The following RBPJ variants were observed in gnomAD, a reference collection of about 807,000 sequenced individuals.
RBPJ encodes the protein recombining binding protein suppressor of hairless.
Under a neutral mutation model 67.8 loss-of-function variants are expected in RBPJ, and 9 were observed. That is an observed-to-expected ratio of 0.13 (90% CI 0.08 to 0.23). The LOEUF is 0.23. RBPJ is among the 10% of genes least tolerant of loss of function. RBPJ has a pLI of 1.00. For missense variants in RBPJ, 305 were observed against 595.6 expected, an observed-to-expected ratio of 0.51 and a Z score of 5.08; for synonymous variants, 198 against 203.3, an observed-to-expected ratio of 0.97 and a Z score of 0.22.
intron 1 of RBPJ, among the ~76,000 whole-genome samples, chr4:26,203,375 A>G (rs1184882213): frequency 6.6e-6 from 1 of 152,044 alleles, no homozygotes; most frequent in African/African-American, 2.4e-5. Flanking sequence ...TTCAAATGCA[A>G]CCTTCTCCCC....
intron 1 of RBPJ, among the ~76,000 whole-genome samples, chr4:26,364,246 TTAAAG>T (rs1728371311): frequency 6.6e-6 from 1 of 152,218 alleles, no homozygotes; most frequent in Non-Finnish European, 1.5e-5. Flanking sequence ...AATTTAGTTG[TTAAAG>T]TAAGATGAAA....
chr4:26,220,151 T>C (rs1010844364), intron 1 of RBPJ, among the ~76,000 whole-genome samples: 1 of 152,192 alleles, frequency 6.6e-6, no homozygotes, highest in African/African-American at 2.4e-5. Context: ...TTACACTATG[T>C]ACATGCTCAG....
intron 1 of RBPJ, among the ~76,000 whole-genome samples, chr4:26,176,050 G>C (rs1716784893): frequency 6.6e-6 from 1 of 152,156 alleles, no homozygotes; most frequent in Non-Finnish European, 1.5e-5. Context: ...ATAAAATGCA[G>C]GACACCCAGT....
At chr4:26,395,810 G>A (rs769714419) in intron 2 of RBPJ, among the ~76,000 whole-genome samples, 14 of 152,206 alleles carry the variant, frequency 9.2e-5, no homozygotes, top group Non-Finnish European at 1.9e-4. Flanking sequence ...TACTAATTTA[G>A]GGATTGCATT....
At chr4:26,316,454 T>TATACATTCATAC (rs1722624464), upstream of RBPJ, among the ~76,000 whole-genome samples, 2 of 145,462 alleles carry the variant, frequency 1.4e-5, no homozygotes, top group Non-Finnish European at 3.0e-5. Context: ...TACATTCATA[T>TATACATTCATAC]ATACATTCAT....
chr4:26,218,357 C>T (rs971148706), intron 1 of RBPJ, among the ~76,000 whole-genome samples: 2 of 152,178 alleles, frequency 1.3e-5, no homozygotes, highest in Admixed American at 6.5e-5. Flanking sequence ...AGAACCGTGG[C>T]CGCCTGAGGA....
chr4:26,217,249 T>C (rs1009409228), intron 1 of RBPJ, among the ~76,000 whole-genome samples: 1 of 152,122 alleles, frequency 6.6e-6, no homozygotes, highest in African/African-American at 2.4e-5. Flanking sequence ...GACTCAAACT[T>C]TATCAATTAT....
intron 1 of RBPJ, among the ~76,000 whole-genome samples, chr4:26,361,380 C>G (rs1380914583): frequency 3.3e-5 from 5 of 152,158 alleles, no homozygotes; most frequent in Admixed American, 3.3e-4. Context: ...TTTTTTCTGA[C>G]AGTGGATTGA....
chr4:26,197,543 C>T (rs943712710), intron 1 of RBPJ, among the ~76,000 whole-genome samples: 3 of 152,190 alleles, frequency 2.0e-5, no homozygotes, highest in Admixed American at 2.0e-4. Context: ...ATAGCCATCT[C>T]GTTTGATCTC....
chr4:26,390,008 A>C (rs73121182), intron 2 of RBPJ, among the ~76,000 whole-genome samples: 12,547 of 152,266 alleles, frequency 0.082, 538 homozygotes, highest in South Asian at 0.13. Context: ...ATTACTGTCC[A>C]GTATCCCTTG....
intron 1 of RBPJ, among the ~76,000 whole-genome samples, chr4:26,343,739 C>CTTTTTTTTTTTTTTTTTT (rs71186404): frequency 5.4e-5 from 3 of 55,836 alleles, no homozygotes; most frequent in African/African-American, 2.5e-4. Context: ...TTTCTTTCTT[C>CTTTTTTTTTTTTTTTTTT]TTTTTTTTTT....
chr4:26,291,629 T>G (rs1560247166), intron 1 of RBPJ, among the ~76,000 whole-genome samples: 1 of 149,406 alleles, frequency 6.7e-6, no homozygotes, highest in Non-Finnish European at 1.5e-5. Context: ...CAGGCCAGAG[T>G]GCAGTGGCAC....
chr4:26,406,539 C>CA (rs1254221015), intron 3 of RBPJ, among the ~76,000 whole-genome samples: 11 of 152,258 alleles, frequency 7.2e-5, no homozygotes, highest in Non-Finnish European at 1.5e-4. Flanking sequence ...AGAAAGGGTG[C>CA]CCCTCGCAGA....
upstream of RBPJ, among the ~76,000 whole-genome samples, chr4:26,162,694 C>G (rs950267807): frequency 6.6e-6 from 1 of 152,202 alleles, no homozygotes; most frequent in Non-Finnish European, 1.5e-5. Context: ...GGCAAGACCA[C>G]GATGTCTTAG....
the RBPJ span, among the ~76,000 whole-genome samples, chr4:26,142,658 G>A: frequency 1.3e-5 from 2 of 152,200 alleles, no homozygotes; most frequent in South Asian, 2.1e-4. Context: ...TGAACTGTTG[G>A]GGTCAACCTA....
chr4:26,227,979 C>T (rs553579721), intron 1 of RBPJ, among the ~76,000 whole-genome samples: 10 of 152,330 alleles, frequency 6.6e-5, no homozygotes, highest in African/African-American at 2.2e-4. Context: ...CCAGCGTCAC[C>T]GTGATGCGCA....
chr4:26,343,341 G>T (rs1214349147), intron 1 of RBPJ: 2 of 152,120 alleles, frequency 1.3e-5, no homozygotes, highest in Non-Finnish European at 2.9e-5. Context: ...ATATGTTATA[G>T]ACGTGGTTTC....
the RBPJ span, chr4:26,112,839 A>G: frequency 6.2e-5 from 9 of 145,052 alleles, no homozygotes; most frequent in African/African-American, 2.1e-4. Flanking sequence ...GCTCACTGCA[A>G]CCTCCACCTC....
intron 1 of RBPJ, among the ~76,000 whole-genome samples, chr4:26,301,252 G>A (rs1722065006): frequency 6.6e-6 from 1 of 152,090 alleles, no homozygotes; most frequent in Non-Finnish European, 1.5e-5. Flanking sequence ...CCTGCACCAC[G>A]TGGCCTCTGT....
Sources: gnomAD v4.1 joint callset for allele counts (sites outside exome capture counted in the v4.1 genomes callset) on GRCh38, gnomAD v4.1.1 for gene constraint, MANE v1.5 for transcripts, NCBI Gene and HGNC (gene_info 2026-07-23, HGNC 2026-07-21) for gene names.